ROBO2: variants seen among roughly 807,000 people sequenced by gnomAD.
The protein encoded by ROBO2 is roundabout homolog 2.
In ROBO2, 53 loss-of-function variants were observed where a neutral mutation model predicts 160.8. That is an observed-to-expected ratio of 0.33 (90% CI 0.26 to 0.41). ROBO2 has a LOEUF of 0.41. Among genes scored for constraint, ROBO2 ranks in the 10% least tolerant of loss-of-function variants. The pLI, the probability that ROBO2 is intolerant of heterozygous loss-of-function variation, is 1.00. For synonymous variants in ROBO2, 664 were observed against 611.7 expected (o/e 1.09, Z -1.26); for missense variants, 1,577 against 1,722.4 (o/e 0.92, Z 1.49).
chr3:76,731,594 A>G (rs762027623), intron 2 of ROBO2, among the ~76,000 whole-genome samples: 24 of 152,050 alleles, frequency 1.6e-4, no homozygotes, highest in Non-Finnish European at 2.2e-4. Context: ...TAATTTTCCT[A>G]TTGGACAGAA....
At chr3:77,081,054 C>A (rs959639702) in intron 1 of ROBO2, among the ~76,000 whole-genome samples, 2 of 151,988 alleles carry the variant, frequency 1.3e-5, no homozygotes, top group African/African-American at 2.4e-5. Context: ...TGTTTATACT[C>A]ACGTGCATGT....
chr3:76,129,533 A>G (rs568061962), intron 2 of ROBO2, among the ~76,000 whole-genome samples: 1 of 152,272 alleles, frequency 6.6e-6, no homozygotes, highest in East Asian at 1.9e-4. Context: ...TCCCATATGT[A>G]ACTCTACACT....
intron 2 of ROBO2, among the ~76,000 whole-genome samples, chr3:76,467,279 A>T (rs1257097756): frequency 6.6e-6 from 1 of 152,084 alleles, no homozygotes; most frequent in African/African-American, 2.4e-5. Flanking sequence ...ACCAAAGGTG[A>T]TTATTATTTT....
At chr3:77,569,282 G>A (rs551531962) in intron 13 of ROBO2, among the ~76,000 whole-genome samples, 1 of 152,130 alleles carries the variant, frequency 6.6e-6, no homozygotes, top group Admixed American at 6.6e-5. Context: ...ATGTTTCAGT[G>A]TTCCAGATTC....
chr3:77,504,449 A>G (rs1431134019), intron 5 of ROBO2, among the ~76,000 whole-genome samples: 2 of 152,138 alleles, frequency 1.3e-5, no homozygotes, highest in Non-Finnish European at 2.9e-5. Flanking sequence ...AAACCCATAA[A>G]CATTCTAACC....
chr3:77,109,540 AGAG>A (rs138720348), intron 2 of ROBO2, among the ~76,000 whole-genome samples: 1,597 of 152,356 alleles, frequency 0.01, 33 homozygotes, highest in African/African-American at 0.037. Flanking sequence ...TGTGAAATAC[AGAG>A]GAGAAGGAGG....
At chr3:77,005,295 T>C (rs1248190864) in intron 2 of ROBO2, among the ~76,000 whole-genome samples, 3 of 152,160 alleles carry the variant, frequency 2.0e-5, no homozygotes, top group Non-Finnish European at 4.4e-5. Context: ...TTTACCCAGG[T>C]CTTTACATTT....
At chr3:77,425,536 T>C (rs1355997130) in intron 2 of ROBO2, among the ~76,000 whole-genome samples, 5 of 152,014 alleles carry the variant, frequency 3.3e-5, no homozygotes, top group African/African-American at 9.7e-5. Context: ...TGGAACTGTA[T>C]ATGCAGTGGT....
chr3:76,396,043 C>A (rs184780350), intron 2 of ROBO2, among the ~76,000 whole-genome samples: 25 of 152,252 alleles, frequency 1.6e-4, no homozygotes, highest in Non-Finnish European at 3.1e-4. Context: ...AGACCAATAA[C>A]CTTGATGAAC....
At chr3:77,253,870 G>A (rs986494541) in intron 2 of ROBO2, among the ~76,000 whole-genome samples, 3 of 152,086 alleles carry the variant, frequency 2.0e-5, no homozygotes, top group Non-Finnish European at 2.9e-5. Context: ...TATTATTTAC[G>A]AACCTCTAAT....
At chr3:77,416,973 G>T (rs1336445928) in intron 2 of ROBO2, among the ~76,000 whole-genome samples, 1 of 152,098 alleles carries the variant, frequency 6.6e-6, no homozygotes, top group African/African-American at 2.4e-5. Flanking sequence ...CAAGCATAAT[G>T]AGTTCATTAT....
chr3:76,230,274 G>C (rs144795591), intron 2 of ROBO2, among the ~76,000 whole-genome samples: 73 of 151,636 alleles, frequency 4.8e-4, no homozygotes, highest in African/African-American at 1.6e-3. Context: ...AGCTTCAAAG[G>C]CTCTCTCTTC....
intron 2 of ROBO2, among the ~76,000 whole-genome samples, chr3:76,659,518 C>A (rs534671272): frequency 1.1e-4 from 17 of 151,866 alleles, no homozygotes; most frequent in African/African-American, 4.1e-4. Flanking sequence ...ATCGGCTCAC[C>A]CTGTACTATA....
intron 2 of ROBO2, among the ~76,000 whole-genome samples, chr3:76,520,115 A>G (rs1486415563): frequency 3.3e-5 from 5 of 152,088 alleles, no homozygotes; most frequent in South Asian, 2.1e-4. Context: ...ACACGTTCCA[A>G]TTAACCCTCA....
chr3:76,159,735 T>A (rs2106911596), intron 2 of ROBO2, among the ~76,000 whole-genome samples: 1 of 152,288 alleles, frequency 6.6e-6, no homozygotes, highest in Non-Finnish European at 1.5e-5. Flanking sequence ...TTCAAAACAC[T>A]TTTGTAAGTA....
In ROBO2 at chr3:76,035,723, G is replaced by A. The variant is rs565431300; in HGVS notation, c.109+98121G>A. On this transcript the variant is annotated intron_variant, in intron 2 of 26. Coordinates refer to the ROBO2 transcript ENST00000487694. The stretch of plus-strand genomic sequence containing the variant: ...GTTTTGCAGAAATGTACCTTGATAT[G>A]CCACATAATTCCCATACACATTTGG... Among the ~76,000 whole-genome samples the A allele has an allele frequency of 2.6e-5, 4 of 152,102 alleles. No individual in the cohort carries two copies. The South Asian group carries it at 8.3e-4, about 32-fold the overall frequency.
chr3:77,295,310 G>A (rs1275305586), intron 2 of ROBO2, among the ~76,000 whole-genome samples: 2 of 148,892 alleles, frequency 1.3e-5, no homozygotes, highest in African/African-American at 2.5e-5. Context: ...TAAAATTGAC[G>A]GCTAAACGGG....
At chr3:77,074,200 C>A (rs937587043) in intron 1 of ROBO2, among the ~76,000 whole-genome samples, 44 of 152,250 alleles carry the variant, frequency 2.9e-4, no homozygotes, top group South Asian at 2.3e-3. Flanking sequence ...ATTGTTTTCA[C>A]AAATGTTAGT....
At chr3:76,120,258 T>A (rs1370786445) in intron 2 of ROBO2, among the ~76,000 whole-genome samples, 5 of 152,116 alleles carry the variant, frequency 3.3e-5, no homozygotes, top group African/African-American at 1.2e-4. Context: ...CACCTCGGCC[T>A]TCCAAAGTGC....
Sources: gnomAD v4.1 joint callset for allele counts (sites outside exome capture counted in the v4.1 genomes callset) on GRCh38, gnomAD v4.1.1 for gene constraint, MANE v1.5 for transcripts, NCBI Gene and HGNC (gene_info 2026-07-23, HGNC 2026-07-21) for gene names.